The following FER variants were observed in gnomAD, a reference collection of about 807,000 sequenced individuals.
FER encodes the protein tyrosine-protein kinase Fer.
FER carries 63 observed loss-of-function variants against 111.0 expected under a neutral mutation model. The ratio of observed to expected loss-of-function variants is 0.57; its 90% CI spans 0.46 to 0.70. FER has a LOEUF of 0.70. Ranked by LOEUF, FER falls within the 30% of genes least tolerant of loss-of-function variation. FER has a pLI of 0.00. For missense variants in FER, 914 were observed against 954.0 expected, an observed-to-expected ratio of 0.96 and a Z score of 0.55; for synonymous variants, 327 against 313.9, an observed-to-expected ratio of 1.04 and a Z score of -0.44.
chr5:108,840,145 C>T (rs1761110505), intron 5 of FER, among the ~76,000 whole-genome samples: 2 of 152,100 alleles, frequency 1.3e-5, no homozygotes, highest in African/African-American at 2.4e-5. Flanking sequence ...TACTCTTGAT[C>T]GGTAAATGCT....
chr5:108,954,920 A>G lies in FER; in HGVS notation c.1521A>G (p.Ile507Met), dbSNP rs1758239958. The change falls in exon 12 of 20, where the codon ATA becomes ATG. Residue 507 changes from isoleucine to methionine, a missense_variant. Ile to Met is a conservative substitution (Grantham distance 10). Around this residue, in one of 3 missense-constraint regions of FER, gnomAD observed 774 missense variants for 782.6 expected, o/e 0.99. Coordinates refer to ENST00000281092, the MANE Select transcript of FER (RefSeq NM_005246.4). ...ATGGACAGAGGAGACATTTTATCATACAATATGTTGATGTACGTTTCCAGT... is the reference window on the plus strand; with the variant it reads ...ATGGACAGAGGAGACATTTTATCATGCAATATGTTGATGTACGTTTCCAGT... The part of the protein sequence containing the change: ...YSDGQRRHFI[I>M]QYVDNMYRFE... The G allele has an allele frequency of 6.2e-7, 1 of 1,606,988 alleles. No individual in the cohort carries two copies. The highest frequency in any genetic ancestry group is 8.5e-7 in the Non-Finnish European group (1 of 1,176,648).
intron 10 of FER, among the ~76,000 whole-genome samples, chr5:108,935,038 G>A (rs1036591895): frequency 6.6e-6 from 1 of 152,016 alleles, no homozygotes; most frequent in Admixed American, 6.6e-5. Flanking sequence ...ACATATAGGG[G>A]TGATTTTTCT....
At chr5:108,996,915 A>C (rs1299792637) in intron 13 of FER, among the ~76,000 whole-genome samples, 3 of 151,980 alleles carry the variant, frequency 2.0e-5, no homozygotes, top group African/African-American at 7.3e-5. Flanking sequence ...TTTTTCATTT[A>C]TTTGTGTCCT....
At chr5:109,114,397 G>T (rs1486051222) in intron 17 of FER, among the ~76,000 whole-genome samples, 17 of 151,948 alleles carry the variant, frequency 1.1e-4, no homozygotes, top group Admixed American at 1.1e-3. Context: ...TAAAGTCAAT[G>T]GTGCTGTTCT....
chr5:108,933,596 T>C (rs1755012212), intron 10 of FER, among the ~76,000 whole-genome samples: 1 of 152,238 alleles, frequency 6.6e-6, no homozygotes, highest in South Asian at 2.1e-4. Context: ...TGGTTCCATA[T>C]GAAATTTAAA....
intron 11 of FER, among the ~76,000 whole-genome samples, chr5:108,950,595 C>A (rs1029375202): frequency 1.3e-5 from 2 of 151,964 alleles, no homozygotes; most frequent in African/African-American, 4.8e-5. Flanking sequence ...ACAAATGATC[C>A]TGAGGTACAA....
At chr5:108,997,806 C>CT (rs1764193625) in intron 13 of FER, among the ~76,000 whole-genome samples, 1 of 152,090 alleles carries the variant, frequency 6.6e-6, no homozygotes, top group Non-Finnish European at 1.5e-5. Flanking sequence ...TGGCTGCTGC[C>CT]TTTTTTTCAG....
intron 8 of FER, among the ~76,000 whole-genome samples, chr5:108,874,779 C>T (rs1391360348): frequency 6.6e-6 from 1 of 151,648 alleles, no homozygotes; most frequent in Non-Finnish European, 1.5e-5. Flanking sequence ...ATACAAATTA[C>T]CAATAGTACT....
chr5:108,763,655 A>G (rs989756777), intron 1 of FER, among the ~76,000 whole-genome samples: 7 of 152,170 alleles, frequency 4.6e-5, no homozygotes, highest in African/African-American at 1.2e-4. Flanking sequence ...GGAGTTTTCT[A>G]TCTTTAGGGA....
intron 1 of FER, among the ~76,000 whole-genome samples, chr5:108,748,794 G>C (rs1409609723): frequency 6.6e-6 from 1 of 152,232 alleles, no homozygotes; most frequent in Admixed American, 6.5e-5. Context: ...TAGTGGAGGA[G>C]GGGGCTGAGG....
rs532024459 is a variant in FER, at chr5:108,993,397, G to C, written c.1656+34050G>C. Among the ~76,000 whole-genome samples, 3 of 152,318 alleles carry C rather than the reference G, an allele frequency of 2.0e-5. No homozygotes were observed. In the East Asian group the frequency reaches 5.8e-4, roughly 29 times the overall value. Reference sequence around the variant, plus strand: ...ACCAAAAAAATACGAAAACCAGTCAGGCGTGGCCGCGCGCGCCTGCAATCG... The same window carrying C: ...ACCAAAAAAATACGAAAACCAGTCACGCGTGGCCGCGCGCGCCTGCAATCG... On this transcript the variant is annotated intron_variant, in intron 13 of 19. Transcript: ENST00000281092.
chr5:108,824,232 C>T (rs1363994544), intron 3 of FER, among the ~76,000 whole-genome samples: 1 of 151,718 alleles, frequency 6.6e-6, no homozygotes, highest in Non-Finnish European at 1.5e-5. Context: ...CAGCTTTATT[C>T]TTTGTAAAGA....
intron 17 of FER, among the ~76,000 whole-genome samples, chr5:109,147,119 A>G (rs1754310231): frequency 6.6e-6 from 1 of 152,012 alleles, no homozygotes; most frequent in South Asian, 2.1e-4. Context: ...GTGATTACTC[A>G]GACTTCTCAA....
Position 109,037,470 on chromosome 5 carries a change from C to G in FER, c.1705C>G (p.Leu569Val). 1 of 1,611,708 alleles carries G rather than the reference C, an allele frequency of 6.2e-7. No homozygotes were observed. Among genetic ancestry groups the G allele is most frequent in the East Asian group, 2.2e-5 (1 of 44,784 alleles). Residue 569 changes from leucine to valine, a missense_variant, in exon 14 of 20, where the codon CTG (leucine) becomes GTG (valine). By Grantham distance (32) the Leu-to-Val change is conservative. Transcript: ENST00000281092. ...SHEDVILGEL[L>V]GKGNFGEVYK... ...TGAAGATGTCATATTGGGAGAATTA[C>G]TGGGCAAGGTATGTAATCAACTGAG...
chr5:109,139,926 T>C (rs957356493), intron 17 of FER, among the ~76,000 whole-genome samples: 4 of 152,194 alleles, frequency 2.6e-5, no homozygotes, highest in African/African-American at 7.2e-5. Flanking sequence ...AGTATACTGC[T>C]ATCAATTACT....
At chr5:109,082,246 C>A (rs539681401) in intron 16 of FER, among the ~76,000 whole-genome samples, 1 of 152,084 alleles carries the variant, frequency 6.6e-6, no homozygotes, top group South Asian at 2.1e-4. Flanking sequence ...TGTGAGATGG[C>A]TAGCTGAAGA....
intron 3 of FER, chr5:108,820,537 C>A (rs1758727029): frequency 8.1e-6 from 8 of 985,068 alleles, no homozygotes; most frequent in Non-Finnish European, 9.6e-6. Flanking sequence ...AATATAATTT[C>A]TTAATTTCTT....
At chr5:109,100,544 T>G in intron 17 of FER, 25 bp downstream of exon 17, 1 of 1,585,704 alleles carries the variant, frequency 6.3e-7, no homozygotes, top group South Asian at 1.1e-5. Flanking sequence ...TTTAAAGCAA[T>G]TTTTGGTTTT....
At chr5:108,915,565 C>A (rs1283515040) in intron 10 of FER, among the ~76,000 whole-genome samples, 1 of 151,200 alleles carries the variant, frequency 6.6e-6, no homozygotes. Flanking sequence ...GGAGCCTGAG[C>A]GTTGTTCTTA....
Sources: allele counts gnomAD v4.1 joint callset (sites outside exome capture counted in the v4.1 genomes callset), GRCh38; gene constraint gnomAD v4.1.1; regional missense constraint gnomAD v4.1.1; transcripts MANE v1.5; gene names NCBI Gene and HGNC (gene_info 2026-07-23, HGNC 2026-07-21).